The following MACROH2A1 variants were observed in gnomAD, a reference collection of about 807,000 sequenced individuals.
The protein encoded by MACROH2A1 is core histone macro-H2A.1.
A neutral mutation model predicts 31.6 loss-of-function variants in MACROH2A1; 2 were observed. The ratio of observed to expected loss-of-function variants is 0.06; its 90% CI spans 0.03 to 0.20. The LOEUF (loss-of-function observed/expected upper bound fraction) is 0.20, where lower values mean the gene tolerates loss of function less well. Ranked by LOEUF, MACROH2A1 falls within the 10% of genes least tolerant of loss-of-function variation. The probability of loss-of-function intolerance (pLI) is 1.00; values close to 1 mark genes in which losing one functional copy is unlikely to be tolerated. For synonymous variants in MACROH2A1, 169 were observed against 189.6 expected (o/e 0.89, Z 0.89); for missense variants, 230 against 474.0 (o/e 0.49, Z 4.78).
At chr5:135,374,317 G>A (rs953717828) in intron 2 of MACROH2A1, among the ~76,000 whole-genome samples, 3 of 152,194 alleles carry the variant, frequency 2.0e-5, no homozygotes, top group South Asian at 2.1e-4. Context: ...TCCTATTCAG[G>A]GGGGAGCGGA....
chr5:135,389,577 T>C (rs1766912650), intron 1 of MACROH2A1, among the ~76,000 whole-genome samples: 1 of 152,198 alleles, frequency 6.6e-6, no homozygotes, highest in Admixed American at 6.5e-5. Flanking sequence ...TTTAGATTCT[T>C]TATCTGTGAG....
At chr5:135,387,214 T>C (rs569907747) in intron 2 of MACROH2A1, among the ~76,000 whole-genome samples, 1 of 147,800 alleles carries the variant, frequency 6.8e-6, no homozygotes, top group African/African-American at 2.5e-5. Flanking sequence ...TCTGGGCTTG[T>C]TTCCTCATCT....
chr5:135,355,241 C>T (rs186139877), intron 5 of MACROH2A1: 11 of 455,926 alleles, frequency 2.4e-5, no homozygotes, highest in South Asian at 9.3e-5. Flanking sequence ...GGAGCAGTTG[C>T]GAACAGAACT....
At chr5:135,343,660 T>C in intron 7 of MACROH2A1, 1 of 615,378 alleles carries the variant, frequency 1.6e-6, no homozygotes. Flanking sequence ...ACCAGGAATT[T>C]TGACCAAGTT....
At chr5:135,362,125 T>A (rs1448442652) in intron 4 of MACROH2A1, 1 of 152,250 alleles carries the variant, frequency 6.6e-6, no homozygotes, top group African/African-American at 2.4e-5. Context: ...AAAGGCTGCA[T>A]AACAGACTTT....
At chr5:135,367,454 C>T (rs188074695) in intron 4 of MACROH2A1, among the ~76,000 whole-genome samples, 1 of 152,288 alleles carries the variant, frequency 6.6e-6, no homozygotes, top group African/African-American at 2.4e-5. Context: ...CCAAATATAG[C>T]TACTAGGAGC....
At chr5:135,351,599 G>A (rs1206565569) in intron 6 of MACROH2A1, 5 of 87,846 alleles carry the variant, frequency 5.7e-5, no homozygotes, top group Admixed American at 5.4e-4. Flanking sequence ...GGATCTTGCT[G>A]TTGCCTAGGC....
intron 2 of MACROH2A1, among the ~76,000 whole-genome samples, chr5:135,377,144 C>T (rs1017497654): frequency 1.3e-5 from 2 of 152,154 alleles, no homozygotes; most frequent in Non-Finnish European, 2.9e-5. Flanking sequence ...TTTGTCTGAC[C>T]ACAGCAGAGC....
chr5:135,380,348 G>A (rs1323745488), intron 2 of MACROH2A1, among the ~76,000 whole-genome samples: 3 of 152,170 alleles, frequency 2.0e-5, no homozygotes, highest in African/African-American at 4.8e-5. Context: ...CCAGCACCCC[G>A]CTTGGGACTT....
rs1325125836 is a variant in MACROH2A1, at chr5:135,398,090, A to T, written c.-34+972T>A. ...CAAGGTTTGTCCCAGTTGTTTGTAC[A>T]GAAGTCTCTCACTTTGAAACTCAGA... On this transcript the variant is annotated intron_variant, in intron 1 of 8. Coordinates refer to ENST00000511689, the MANE Select transcript of MACROH2A1 (RefSeq NM_138610.3). The surrounding 1 kb of genome is among the most constrained non-coding windows in gnomAD (Gnocchi z 4.6). Among the ~76,000 whole-genome samples, 1 of 152,224 alleles carries T rather than the reference A, an allele frequency of 6.6e-6. No individual in the cohort carries two copies. The highest frequency in any genetic ancestry group is 1.5e-5 in the Non-Finnish European group (1 of 68,048).
chr5:135,367,419 A>AC (rs1284460169), intron 4 of MACROH2A1, among the ~76,000 whole-genome samples: 5 of 152,254 alleles, frequency 3.3e-5, no homozygotes, highest in African/African-American at 1.2e-4. Flanking sequence ...GATTATTGGC[A>AC]TATGGTTATT....
chr5:135,391,556 T>C (rs1393321044), intron 1 of MACROH2A1, among the ~76,000 whole-genome samples: 2 of 152,220 alleles, frequency 1.3e-5, no homozygotes, highest in African/African-American at 2.4e-5. Context: ...AACATGCCAG[T>C]GACTCCCAGG....
intron 1 of MACROH2A1, among the ~76,000 whole-genome samples, chr5:135,392,536 C>A (rs1216370678): frequency 1.3e-5 from 2 of 152,200 alleles, no homozygotes; most frequent in Admixed American, 1.3e-4. Context: ...AGCCATGAAG[C>A]CTTATGACAT....
At chr5:135,363,494 GT>G (rs1763108022) in intron 4 of MACROH2A1, among the ~76,000 whole-genome samples, 2 of 152,150 alleles carry the variant, frequency 1.3e-5, no homozygotes, top group Admixed American at 1.3e-4. Flanking sequence ...TCTTCCTAAT[GT>G]TTTGGTATTA....
chr5:135,381,000 A>G (rs1034843334), intron 2 of MACROH2A1, among the ~76,000 whole-genome samples: 2 of 152,228 alleles, frequency 1.3e-5, no homozygotes, highest in African/African-American at 4.8e-5. Flanking sequence ...ACAAAGACCT[A>G]CTGGATATGG....
At chr5:135,343,652 C>A in intron 7 of MACROH2A1, 1 of 667,978 alleles carries the variant, frequency 1.5e-6, no homozygotes, top group Non-Finnish European at 2.4e-6. Flanking sequence ...GTGTCACCAC[C>A]AGGAATTTTG....
rs750784210 is a variant in MACROH2A1, at chr5:135,335,067, G to T, written c.1028C>A (p.Ser343Tyr). The T allele has an allele frequency of 1.2e-6, 2 of 1,613,220 alleles. No homozygotes were observed. The highest frequency in any genetic ancestry group is 1.7e-6 in the Non-Finnish European group (2 of 1,179,134). ...AISSYFVSTM[S>Y]SSIKTVYFVL... ...GAAGTACACCGTTTTGATGGAAGAGGACATTGTAGACACGAAGTAACTGGA... is the reference window on the plus strand; with the variant it reads ...GAAGTACACCGTTTTGATGGAAGAGTACATTGTAGACACGAAGTAACTGGA... The change falls in exon 9 of 9, where the codon TCC (serine) becomes TAC (tyrosine). Residue 343 changes from serine to tyrosine, a missense_variant. Transcript: ENST00000511689.
At position 135,369,631 on chromosome 5, in the gene MACROH2A1, G is replaced by A. The variant is rs373724671; in HGVS notation, c.280-28C>T. 6 of 1,570,956 alleles carry A rather than the reference G, an allele frequency of 3.8e-6. No individual in the cohort carries two copies. The Admixed American group carries it at 1.0e-4, about 26-fold the overall frequency. On this transcript the variant is annotated intron_variant, in intron 3 of 8. Coordinates refer to ENST00000511689, the MANE Select transcript of MACROH2A1 (RefSeq NM_138610.3). This position sits in a 1 kb window ranked among gnomAD's most constrained non-coding sequence, Gnocchi z 4.3. Reference sequence around the variant, plus strand: ...TTCAGGAAAACCAGAATAGCAGATAGTGAGCCAGATACCCTGCTTCTAACC... The same window carrying A: ...TTCAGGAAAACCAGAATAGCAGATAATGAGCCAGATACCCTGCTTCTAACC...
chr5:135,372,052 C>T (rs3822372), intron 2 of MACROH2A1, among the ~76,000 whole-genome samples: 21 of 152,158 alleles, frequency 1.4e-4, no homozygotes, highest in Admixed American at 5.2e-4. Context: ...GGGGCAGGGG[C>T]GGGAGGAGAT....
Sources: allele counts gnomAD v4.1 joint callset (sites outside exome capture counted in the v4.1 genomes callset), GRCh38; gene constraint gnomAD v4.1.1; non-coding constraint Gnocchi (gnomAD v3.1); transcripts MANE v1.5; gene names NCBI Gene and HGNC (gene_info 2026-07-23, HGNC 2026-07-21).